Variants in RTN4RL2 observed in about 807,000 individuals in gnomAD.
RTN4RL2 encodes the protein reticulon 4 receptor like 2.
RTN4RL2 carries 9 observed loss-of-function variants against 27.8 expected under a neutral mutation model. That is an observed-to-expected ratio of 0.32 (90% CI 0.20 to 0.57). The LOEUF is 0.57. Among genes scored for constraint, RTN4RL2 ranks in the 20% least tolerant of loss-of-function variants. RTN4RL2 has a pLI of 0.90. For missense variants in RTN4RL2, 436 were observed against 596.8 expected (o/e 0.73, Z 2.81); for synonymous variants, 285 against 297.9 (o/e 0.96, Z 0.45).
rs1374937189 is a variant in RTN4RL2 at position 57,476,880 on chromosome 11, G to T, written c.1232G>T (p.Cys411Phe). Residue 411 changes from cysteine (C) to phenylalanine (F), a missense_variant, in exon 3 of 3, where the codon TGC becomes TTC. Physicochemically the swap from Cys to Phe is radical, Grantham distance 205 (BLOSUM62 -2). Coordinates refer to ENST00000335099, the MANE Select transcript of RTN4RL2 (RefSeq NM_178570.3). The surrounding 1 kb of genome is among the most constrained non-coding windows in gnomAD (Gnocchi z 8.2). The part of the protein sequence containing the change: ...LSAGLPSPLL[C>F]LLLLVPHHL ...GCCGGGCTCCCCAGCCCTCTGCTTTGCCTCCTGCTCCTGGTGCCCCACCAC... is the reference window on the plus strand; with the variant it reads ...GCCGGGCTCCCCAGCCCTCTGCTTTTCCTCCTGCTCCTGGTGCCCCACCAC... The T allele has an allele frequency of 1.3e-6, 2 of 1,575,756 alleles. No homozygotes were observed. The highest frequency in any genetic ancestry group is 1.7e-5 in the Admixed American group (1 of 57,804).
At position 57,476,972 on chromosome 11, in the gene RTN4RL2, G is replaced by T; in HGVS notation, c.*61G>T. The stretch of plus-strand genomic sequence containing the variant: ...CCCCGCTTCCCGTCCACCCGGGGCT[G>T]CGGCTCCGGCCCCAGTCGCCCCACC... On this transcript the variant is annotated 3_prime_UTR_variant, in exon 3 of 3. Coordinates refer to ENST00000335099, the MANE Select transcript of RTN4RL2 (RefSeq NM_178570.3). The surrounding 1 kb of genome is among the most constrained non-coding windows in gnomAD (Gnocchi z 8.2). The T allele has an allele frequency of 6.8e-7, 1 of 1,474,726 alleles. No individual in the cohort carries two copies. Among genetic ancestry groups the T allele is most frequent in the Non-Finnish European group, 9.0e-7 (1 of 1,114,518 alleles). 91.4% of individuals were successfully genotyped at this position (1,474,726 alleles called of 1,614,324 possible). A position where few individuals can be genotyped will look rare whatever the true frequency, so the allele number is the denominator to read the frequency against.
At chr11:57,466,294 C>G (rs909060123) in intron 1 of RTN4RL2, among the ~76,000 whole-genome samples, 1 of 152,010 alleles carries the variant, frequency 6.6e-6, no homozygotes, top group Admixed American at 6.6e-5. Flanking sequence ...CGTGAGCCAC[C>G]GCGCCCGGCC....
rs190612055 is a variant in RTN4RL2 at position 57,466,032 on chromosome 11, G to T, written c.32-1577G>T. Among the ~76,000 whole-genome samples the T allele has an allele frequency of 1.7e-4, 21 of 121,752 alleles. No individual in the cohort carries two copies. The South Asian group carries it at 4.6e-3, about 26-fold the overall frequency. The allele number at this position is 121,752 out of a possible 152,430, so 79.9% of individuals were successfully genotyped here. On this transcript the variant is annotated intron_variant, in intron 1 of 2. Coordinates refer to ENST00000335099, the MANE Select transcript of RTN4RL2 (RefSeq NM_178570.3). Reference sequence around the variant, plus strand: ...TTTTTTTTTTTTGATACAGAGTCTCGCTGTGTCACCCAGGCTGGAGTGCAG... The same window carrying T: ...TTTTTTTTTTTTGATACAGAGTCTCTCTGTGTCACCCAGGCTGGAGTGCAG...
intron 2 of RTN4RL2, among the ~76,000 whole-genome samples, chr11:57,471,826 T>C (rs900423439): frequency 1.3e-5 from 2 of 151,916 alleles, no homozygotes; most frequent in African/African-American, 4.8e-5. Flanking sequence ...TATTCCCTAC[T>C]CAAGTGTAGC....
At chr11:57,469,450 A>G (rs1193396559) in intron 2 of RTN4RL2, among the ~76,000 whole-genome samples, 1 of 145,598 alleles carries the variant, frequency 6.9e-6, no homozygotes, top group Non-Finnish European at 1.5e-5. Flanking sequence ...AGCGTGTGAC[A>G]TTTTTTTTTT....
chr11:57,465,281 A>C (rs1943513966), intron 1 of RTN4RL2, among the ~76,000 whole-genome samples: 1 of 152,220 alleles, frequency 6.6e-6, no homozygotes, highest in African/African-American at 2.4e-5. Context: ...CCACTACCCA[A>C]AATCACAGAT....
intron 2 of RTN4RL2, among the ~76,000 whole-genome samples, chr11:57,471,884 A>C (rs886282971): frequency 6.6e-6 from 1 of 152,038 alleles, no homozygotes; most frequent in Non-Finnish European, 1.5e-5. Flanking sequence ...TTTGAGACGA[A>C]GTCTCGCTCT....
intron 1 of RTN4RL2, among the ~76,000 whole-genome samples, chr11:57,462,736 T>C (rs542091707): frequency 2.0e-5 from 3 of 152,254 alleles, no homozygotes; most frequent in Admixed American, 2.0e-4. Context: ...CTCTGGACAC[T>C]TCAGCCTTCC....
At chr11:57,469,660 C>A (rs1425441961) in intron 2 of RTN4RL2, among the ~76,000 whole-genome samples, 1 of 152,160 alleles carries the variant, frequency 6.6e-6, no homozygotes, top group East Asian at 1.9e-4. Flanking sequence ...ACATTGGTTT[C>A]AGTGAAGTGG....
intron 2 of RTN4RL2, among the ~76,000 whole-genome samples, chr11:57,472,654 G>A (rs922662960): frequency 2.0e-5 from 3 of 152,346 alleles, no homozygotes; most frequent in East Asian, 3.9e-4. Flanking sequence ...GTGAAATGGG[G>A]ATAACCTGTA....
At chr11:57,465,439 A>G (rs1230956351) in intron 1 of RTN4RL2, among the ~76,000 whole-genome samples, 1 of 152,200 alleles carries the variant, frequency 6.6e-6, no homozygotes, top group Admixed American at 6.5e-5. Context: ...CTGAACCCCA[A>G]GGAGCCCCAG....
rs1590735163 is a variant in RTN4RL2 at position 57,477,133 on chromosome 11, T to A, written c.*222T>A. The A allele has an allele frequency of 6.2e-6, 3 of 483,450 alleles. No individual in the cohort carries two copies. Among genetic ancestry groups the A allele is most frequent in the Non-Finnish European group, 1.1e-5 (3 of 278,564 alleles). 29.9% of individuals were successfully genotyped at this position (483,450 alleles called of 1,614,324 possible). A position where few individuals can be genotyped will look rare whatever the true frequency, so the allele number is the denominator to read the frequency against. ...GAGGGCGTGTGTGGTGGCTCAGCCCTGCCCTCCCCAGTTCTGGCCATTAAC... is the reference window on the plus strand; with the variant it reads ...GAGGGCGTGTGTGGTGGCTCAGCCCAGCCCTCCCCAGTTCTGGCCATTAAC... On this transcript the variant is annotated 3_prime_UTR_variant, in exon 3 of 3. Transcript: ENST00000335099.
At chr11:57,475,798 T>G (rs1943591709) in intron 2 of RTN4RL2, among the ~76,000 whole-genome samples, 3 of 152,204 alleles carry the variant, frequency 2.0e-5, no homozygotes, top group Admixed American at 2.0e-4. Context: ...AAACTCAAAC[T>G]GTGGTCCTGC....
chr11:57,473,148 T>G (rs985194892), intron 2 of RTN4RL2, among the ~76,000 whole-genome samples: 14 of 152,212 alleles, frequency 9.2e-5, no homozygotes, highest in African/African-American at 3.4e-4. Flanking sequence ...CCTAGACTGA[T>G]GAGCTCTGTA....
Position 57,471,421 on chromosome 11 carries a change from G to A in RTN4RL2, c.513+3331G>A, listed in dbSNP as rs75182623. Among the ~76,000 whole-genome samples the A allele has an allele frequency of 7.3e-3, 1,115 of 152,244 alleles. 4 individuals are homozygous for A. The highest frequency in any genetic ancestry group is 0.011 in the Non-Finnish European group (740 of 68,036). On this transcript the variant is annotated intron_variant, in intron 2 of 2. Coordinates refer to ENST00000335099, the MANE Select transcript of RTN4RL2 (RefSeq NM_178570.3). ...GAAATGGGAAGTGTTTGTTCTCTAC[G>A]CCCCTGGCATGAATGGTACCAGGCA... is the stretch of plus-strand genomic sequence containing the variant.
rs1364264161 is a variant in RTN4RL2 at position 57,476,099 on chromosome 11, G to T, written c.514-63G>T. The T allele has an allele frequency of 2.0e-6, 3 of 1,499,284 alleles. No individual in the cohort carries two copies. Among genetic ancestry groups the T allele is most frequent in the East Asian group, 2.3e-5 (1 of 43,352 alleles). 92.9% of individuals were successfully genotyped at this position (1,499,284 alleles called of 1,614,324 possible). ...CTTCCCTCCCCCGGCCAAGGCCCCAGCGGGGTCTGCACCCTACCTCAGGCC... is the reference window on the plus strand; with the variant it reads ...CTTCCCTCCCCCGGCCAAGGCCCCATCGGGGTCTGCACCCTACCTCAGGCC... On this transcript the variant is annotated intron_variant, in intron 2 of 2. Transcript: ENST00000335099. The surrounding 1 kb of genome is among the most constrained non-coding windows in gnomAD (Gnocchi z 8.2).
Position 57,476,268 on chromosome 11 carries a change from G to T in RTN4RL2, c.620G>T (p.Arg207Leu). 1.2e-6 allele frequency: 2 copies of T among 1,612,364 alleles called. No homozygotes were observed. Among genetic ancestry groups the T allele is most frequent in the Non-Finnish European group, 1.7e-6 (2 of 1,179,526 alleles). ...HVFRGLGSLD[R>L]LLLHGNRLQG... ...TTTCGCGGCCTGGGCAGCCTGGACCGGCTGCTGCTGCACGGGAACCGGCTG... is the reference window on the plus strand; with the variant it reads ...TTTCGCGGCCTGGGCAGCCTGGACCTGCTGCTGCTGCACGGGAACCGGCTG... Residue 207 changes from arginine (R) to leucine (L), a missense_variant, in exon 3 of 3, where the codon CGG becomes CTG. Physicochemically the swap from Arg to Leu is moderately radical, Grantham distance 102. Around this residue, in one of 3 missense-constraint regions of RTN4RL2, gnomAD observed 365 missense variants for 530.5 expected, o/e 0.69. Coordinates refer to ENST00000335099, the MANE Select transcript of RTN4RL2 (RefSeq NM_178570.3). The surrounding 1 kb of genome is among the most constrained non-coding windows in gnomAD (Gnocchi z 8.2).
At chr11:57,470,917 T>C (rs1943559095) in intron 2 of RTN4RL2, among the ~76,000 whole-genome samples, 1 of 151,834 alleles carries the variant, frequency 6.6e-6, no homozygotes, top group African/African-American at 2.4e-5. Flanking sequence ...TGGCTGTAAA[T>C]AGGAAACGAG....
At position 57,476,047 on chromosome 11, in the gene RTN4RL2, C is replaced by T. The variant is rs1326819292; in HGVS notation, c.514-115C>T. 1.0e-6 allele frequency: 1 copy of T among 1,000,000 alleles called. No individual in the cohort carries two copies. Among genetic ancestry groups the T allele is most frequent in the East Asian group, 2.5e-5 (1 of 40,568 alleles). The allele number at this position is 1,000,000 out of a possible 1,614,324, so 61.9% of individuals were successfully genotyped here. On this transcript the variant is annotated intron_variant, in intron 2 of 2. Transcript: ENST00000335099. This position sits in a 1 kb window ranked among gnomAD's most constrained non-coding sequence, Gnocchi z 8.2. Reference sequence around the variant, plus strand: ...GGATGCTATGAATCAAAAGGTCAACCCTTTCTCTTCTGCCACGGTGCACCC... The same window carrying T: ...GGATGCTATGAATCAAAAGGTCAACTCTTTCTCTTCTGCCACGGTGCACCC...
Sources: gnomAD v4.1 joint callset for allele counts (sites outside exome capture counted in the v4.1 genomes callset) on GRCh38, gnomAD v4.1.1 for gene constraint, gnomAD v4.1.1 regional missense constraint, Gnocchi (gnomAD v3.1) non-coding constraint, MANE v1.5 for transcripts, NCBI Gene and HGNC (gene_info 2026-07-23, HGNC 2026-07-21) for gene names.